CDKAL1: variants seen among roughly 807,000 people sequenced by gnomAD.
CDKAL1 encodes the protein threonylcarbamoyladenosine tRNA methylthiotransferase.
Under a neutral mutation model 68.2 loss-of-function variants are expected in CDKAL1, and 32 were observed. The observed-to-expected ratio is 0.47, with a 90% CI of 0.35 to 0.63. CDKAL1 has a LOEUF of 0.63. CDKAL1 is among the 30% of genes least tolerant of loss of function. CDKAL1 has a pLI of 0.00. For missense variants in CDKAL1, 606 were observed against 696.7 expected (o/e 0.87, Z 1.47); for synonymous variants, 234 against 244.3 (o/e 0.96, Z 0.39).
intron 4 of CDKAL1, among the ~76,000 whole-genome samples, chr6:20,607,331 T>C (rs1203830096): frequency 6.6e-6 from 1 of 152,132 alleles, no homozygotes; most frequent in Non-Finnish European, 1.5e-5. Flanking sequence ...CTAAATAAAA[T>C]AGTTACATAA....
At chr6:20,973,026 C>T (rs1035432596) in intron 10 of CDKAL1, among the ~76,000 whole-genome samples, 10 of 151,038 alleles carry the variant, frequency 6.6e-5, no homozygotes, top group South Asian at 2.1e-4. Context: ...TGCAGTGAGC[C>T]GAGATCGCGT....
chr6:21,205,136 C>A (rs372887861), intron 15 of CDKAL1, among the ~76,000 whole-genome samples: 24 of 152,324 alleles, frequency 1.6e-4, no homozygotes, highest in Admixed American at 3.9e-4. Flanking sequence ...GAATTTTCCT[C>A]CTTTTCAAGG....
At chr6:21,195,047 G>A (rs1163996926) in intron 13 of CDKAL1, among the ~76,000 whole-genome samples, 1 of 152,028 alleles carries the variant, frequency 6.6e-6, no homozygotes, top group Non-Finnish European at 1.5e-5. Flanking sequence ...GCTCAAGCAA[G>A]TTTTATATAT....
intron 13 of CDKAL1, among the ~76,000 whole-genome samples, chr6:21,173,806 A>G (rs1777480577): frequency 6.6e-6 from 1 of 152,212 alleles, no homozygotes; most frequent in Non-Finnish European, 1.5e-5. Flanking sequence ...GCAGTGACTC[A>G]TGCCTGTCAT....
rs1471946281 is a variant in CDKAL1, at chr6:20,697,714, A to T, written c.372-41805A>T. 3.9e-5 allele frequency among the ~76,000 whole-genome samples: 6 copies of T among 152,374 alleles called. No homozygotes were observed. The East Asian group carries it at 1.2e-3, about 29-fold the overall frequency. On this transcript the variant is annotated intron_variant, in intron 5 of 15. Transcript: ENST00000274695. ...AGAAAATGTTTCTGTAGGGACTGTC[A>T]TGAAATGACATAGGTAACTTTTGTC... is the stretch of plus-strand genomic sequence containing the variant.
chr6:20,781,730 G>A (rs1269656097), intron 8 of CDKAL1, among the ~76,000 whole-genome samples: 1 of 152,120 alleles, frequency 6.6e-6, no homozygotes, highest in Admixed American at 6.5e-5. Context: ...CATCATGACA[G>A]AATATTAAGT....
intron 9 of CDKAL1, among the ~76,000 whole-genome samples, chr6:20,863,711 A>G (rs1413611450): frequency 9.9e-5 from 15 of 152,220 alleles, no homozygotes; most frequent in Admixed American, 3.9e-4. Context: ...AGTTAAGACT[A>G]TATATTTTTA....
At chr6:20,545,695 T>C (rs146008154) in intron 2 of CDKAL1, among the ~76,000 whole-genome samples, 3,323 of 152,178 alleles carry the variant, frequency 0.022, 56 homozygotes, top group Middle Eastern at 0.096. Flanking sequence ...CTCCCCAAAG[T>C]GCTGGGATTA....
intron 11 of CDKAL1, among the ~76,000 whole-genome samples, chr6:21,015,271 T>A (rs1008464922): frequency 2.0e-5 from 3 of 152,254 alleles, no homozygotes; most frequent in African/African-American, 7.2e-5. Context: ...TTAGTCAATT[T>A]TGATCAATGA....
At chr6:20,568,366 T>C (rs964454419) in intron 4 of CDKAL1, among the ~76,000 whole-genome samples, 3 of 152,174 alleles carry the variant, frequency 2.0e-5, no homozygotes, top group African/African-American at 7.2e-5. Flanking sequence ...CATTTGACTG[T>C]TCCAAAAGTG....
At chr6:20,811,313 T>C (rs1288562333) in intron 8 of CDKAL1, among the ~76,000 whole-genome samples, 2 of 152,218 alleles carry the variant, frequency 1.3e-5, no homozygotes, top group Non-Finnish European at 2.9e-5. Flanking sequence ...ACATTCTGCA[T>C]TTATCTTAAT....
chr6:20,648,318 C>G (rs906174227), intron 4 of CDKAL1, among the ~76,000 whole-genome samples: 1 of 151,744 alleles, frequency 6.6e-6, no homozygotes, highest in Non-Finnish European at 1.5e-5. Context: ...TTAGTAGAGA[C>G]CGGGTTTCAC....
At chr6:20,694,952 C>T (rs1394522429) in intron 5 of CDKAL1, among the ~76,000 whole-genome samples, 1 of 152,130 alleles carries the variant, frequency 6.6e-6, no homozygotes, top group East Asian at 1.9e-4. Context: ...CACACTGACT[C>T]CCCTTCCCCT....
At chr6:20,589,739 A>T (rs573543226) in intron 4 of CDKAL1, among the ~76,000 whole-genome samples, 5 of 152,216 alleles carry the variant, frequency 3.3e-5, no homozygotes, top group African/African-American at 1.2e-4. Context: ...TATTTCAGTG[A>T]AATTTCTTAT....
intron 12 of CDKAL1, among the ~76,000 whole-genome samples, chr6:21,100,790 T>G (rs1773543077): frequency 6.6e-6 from 1 of 152,166 alleles, no homozygotes; most frequent in African/African-American, 2.4e-5. Context: ...AGGGACTTTT[T>G]TTCCCTTCTT....
chr6:20,582,010 A>C (rs1156421726), intron 4 of CDKAL1, among the ~76,000 whole-genome samples: 1 of 152,210 alleles, frequency 6.6e-6, no homozygotes. Context: ...GTATTTTCAA[A>C]AGTAAACATA....
intron 15 of CDKAL1, among the ~76,000 whole-genome samples, chr6:21,211,284 G>A (rs10214790): frequency 6.6e-6 from 1 of 152,206 alleles, no homozygotes; most frequent in Non-Finnish European, 1.5e-5. Flanking sequence ...ATCACCTTTA[G>A]TATAAAGACT....
At chr6:20,963,573 G>C (rs1466747353) in intron 10 of CDKAL1, among the ~76,000 whole-genome samples, 2 of 152,148 alleles carry the variant, frequency 1.3e-5, no homozygotes, top group Non-Finnish European at 2.9e-5. Context: ...CAAAATAAAT[G>C]AACTTATAAA....
intron 12 of CDKAL1, among the ~76,000 whole-genome samples, chr6:21,094,274 C>T (rs981523672): frequency 5.3e-5 from 8 of 151,700 alleles, no homozygotes; most frequent in African/African-American, 1.9e-4. Flanking sequence ...TGACATGTTA[C>T]TTGGCAATAT....
Sources: allele counts gnomAD v4.1 joint callset (sites outside exome capture counted in the v4.1 genomes callset), GRCh38; gene constraint gnomAD v4.1.1; transcripts MANE v1.5; gene names NCBI Gene and HGNC (gene_info 2026-07-23, HGNC 2026-07-21).